CBLB: variants seen among roughly 807,000 people sequenced by gnomAD.
The protein encoded by CBLB is E3 ubiquitin-protein ligase CBL-B.
CBLB carries 31 observed loss-of-function variants against 104.9 expected under a neutral mutation model. The observed-to-expected ratio is 0.30, with a 90% CI of 0.22 to 0.40. CBLB has a LOEUF of 0.40. CBLB is among the 10% of genes least tolerant of loss of function. The probability of loss-of-function intolerance (pLI) is 1.00; values close to 1 mark genes in which losing one functional copy is unlikely to be tolerated. For synonymous variants in CBLB, 440 were observed against 422.6 expected (o/e 1.04, Z -0.51); for missense variants, 1,062 against 1,214.6 (o/e 0.87, Z 1.87).
At chr3:105,788,917 T>C (rs533755272) in intron 3 of CBLB, among the ~76,000 whole-genome samples, 1 of 152,258 alleles carries the variant, frequency 6.6e-6, no homozygotes. Context: ...TCTGAGGAAG[T>C]CCAAGAAATC....
rs545643989 is a variant in CBLB, at chr3:105,786,889, C to T, written c.420-10347G>A. On this transcript the variant is annotated intron_variant, in intron 3 of 18. Transcript: ENST00000394030. Reference sequence around the variant, plus strand: ...TCATGAAAGAAATGGTATAGCTGAACCCAACCAGATGATTCAATTAACTCC... The same window carrying T: ...TCATGAAAGAAATGGTATAGCTGAATCCAACCAGATGATTCAATTAACTCC... Among the ~76,000 whole-genome samples the T allele has an allele frequency of 2.0e-5, 3 of 152,224 alleles. No individual in the cohort carries two copies. In the South Asian group the frequency reaches 6.2e-4, roughly 32 times the overall value.
At chr3:105,804,023 TCTGA>T (rs1298149949) in intron 3 of CBLB, among the ~76,000 whole-genome samples, 1 of 152,168 alleles carries the variant, frequency 6.6e-6, no homozygotes, top group Non-Finnish European at 1.5e-5. Flanking sequence ...CACATGGCAC[TCTGA>T]CTGCACACTT....
intron 3 of CBLB, among the ~76,000 whole-genome samples, chr3:105,852,541 A>G (rs975134768): frequency 2.6e-5 from 4 of 152,232 alleles, no homozygotes; most frequent in African/African-American, 9.6e-5. Context: ...ATGTGACAGT[A>G]GGCTGTTCAT....
chr3:105,786,312 A>G (rs1211317663), intron 3 of CBLB, among the ~76,000 whole-genome samples: 1 of 152,134 alleles, frequency 6.6e-6, no homozygotes, highest in Non-Finnish European at 1.5e-5. Flanking sequence ...TCAGTAAGAA[A>G]CAAAAATGTC....
chr3:105,720,071 C>A lies in CBLB; in HGVS notation c.1383G>T (p.Met461Ile), dbSNP rs1559948424. The A allele has an allele frequency of 6.2e-7, 1 of 1,613,948 alleles. No homozygotes were observed. Among genetic ancestry groups the A allele is most frequent in the Non-Finnish European group, 8.5e-7 (1 of 1,179,894 alleles). The change falls in exon 10 of 19, where the codon ATG becomes ATT. Residue 461 changes from methionine (M) to isoleucine (I), a missense_variant. Around this residue, in one of 2 missense-constraint regions of CBLB, gnomAD observed 457 missense variants for 632.0 expected, o/e 0.72. Transcript: ENST00000394030. ...CCTTTCGGACGTTTGCCAACCGATTCATCATCAAGGACTCCTCACGATCAT... is the reference window on the plus strand; with the variant it reads ...CCTTTCGGACGTTTGCCAACCGATTAATCATCAAGGACTCCTCACGATCAT... The part of the protein sequence containing the change: ...DDDDREESLM[M>I]NRLANVRKCT...
chr3:105,814,892 A>AG (rs1461814119), intron 3 of CBLB, among the ~76,000 whole-genome samples: 1 of 150,350 alleles, frequency 6.7e-6, no homozygotes, highest in Non-Finnish European at 1.5e-5. Context: ...TTATCTCCAG[A>AG]GCCAAATTTT....
chr3:105,819,209 G>A (rs999448960), intron 3 of CBLB, among the ~76,000 whole-genome samples: 4 of 152,092 alleles, frequency 2.6e-5, no homozygotes, highest in African/African-American at 7.2e-5. Context: ...TAATGAGGCC[G>A]GGTGCAGTGG....
At chr3:105,827,773 T>C (rs1222894290) in intron 3 of CBLB, among the ~76,000 whole-genome samples, 1 of 152,228 alleles carries the variant, frequency 6.6e-6, no homozygotes, top group East Asian at 1.9e-4. Flanking sequence ...CAAAATGGTT[T>C]AATACTGAAT....
chr3:105,826,746 A>C (rs1430101264), intron 3 of CBLB, among the ~76,000 whole-genome samples: 1 of 152,214 alleles, frequency 6.6e-6, no homozygotes, highest in Non-Finnish European at 1.5e-5. Flanking sequence ...GCAATGATAC[A>C]CATGATGCAA....
chr3:105,801,883 C>A (rs955208654), intron 3 of CBLB, among the ~76,000 whole-genome samples: 3 of 152,180 alleles, frequency 2.0e-5, no homozygotes, highest in Non-Finnish European at 4.4e-5. Flanking sequence ...TGAGCTGTAA[C>A]CTTGGAAAAA....
At chr3:105,716,615 C>CACA (rs1461810222) in intron 10 of CBLB, among the ~76,000 whole-genome samples, 1 of 152,052 alleles carries the variant, frequency 6.6e-6, no homozygotes, top group African/African-American at 2.4e-5. Flanking sequence ...CTATAAAAGT[C>CACA]ACAATCAGTT....
intron 3 of CBLB, among the ~76,000 whole-genome samples, chr3:105,851,761 T>C (rs557402687): frequency 2.0e-5 from 3 of 152,294 alleles, no homozygotes; most frequent in African/African-American, 4.8e-5. Flanking sequence ...AAGCTATTAA[T>C]GTTAAAAGCA....
intron 9 of CBLB, among the ~76,000 whole-genome samples, chr3:105,730,497 T>C (rs2074198189): frequency 6.6e-6 from 1 of 152,084 alleles, no homozygotes; most frequent in South Asian, 2.1e-4. Context: ...TATAAGTATT[T>C]ACTGCGTAAT....
chr3:105,842,192 T>C lies in CBLB; in HGVS notation c.419+11222A>G, dbSNP rs146298539. Among the ~76,000 whole-genome samples, 575 of 152,294 alleles carry C rather than the reference T, an allele frequency of 3.8e-3. 5 individuals are homozygous for C. Among genetic ancestry groups the C allele is most frequent in the African/African-American group, 0.013 (533 of 41,568 alleles). ...GTCTCCTGCCCTTTATACTGTCCTATAGAAACTGAGGGTTGGTGACCTGGC... is the reference window on the plus strand; with the variant it reads ...GTCTCCTGCCCTTTATACTGTCCTACAGAAACTGAGGGTTGGTGACCTGGC... On this transcript the variant is annotated intron_variant, in intron 3 of 18. Coordinates refer to ENST00000394030, the MANE Select transcript of CBLB (RefSeq NM_170662.5).
intron 10 of CBLB, among the ~76,000 whole-genome samples, chr3:105,710,305 T>C (rs2070877109): frequency 6.6e-6 from 1 of 151,886 alleles, no homozygotes; most frequent in Non-Finnish European, 1.5e-5. Flanking sequence ...TTCATGTTCA[T>C]CTCTCTAATC....
chr3:105,839,041 T>C (rs1036459958), intron 3 of CBLB, among the ~76,000 whole-genome samples: 3 of 152,212 alleles, frequency 2.0e-5, no homozygotes, highest in Non-Finnish European at 4.4e-5. Context: ...TCAATAGTCC[T>C]TGATAAGATT....
intron 10 of CBLB, among the ~76,000 whole-genome samples, chr3:105,710,132 T>C (rs2070847096): frequency 6.6e-6 from 1 of 151,946 alleles, no homozygotes; most frequent in Non-Finnish European, 1.5e-5. Flanking sequence ...CCTCTTTCTA[T>C]CTGTTATAAT....
chr3:105,786,550 T>C lies in CBLB; in HGVS notation c.420-10008A>G, dbSNP rs78481230. Among the ~76,000 whole-genome samples, 952 of 152,256 alleles carry C rather than the reference T, an allele frequency of 6.3e-3. 31 individuals carry two copies. The highest frequency in any genetic ancestry group is 0.052 in the East Asian group (270 of 5,172). On this transcript the variant is annotated intron_variant, in intron 3 of 18. Transcript: ENST00000394030. ...CTAAAAAGTGTTAGTCCTTCCCCCA[T>C]AGTACATTCACAAATGGCACACCAG...
At chr3:105,866,459 T>A (rs998872524) in intron 2 of CBLB, among the ~76,000 whole-genome samples, 1 of 152,222 alleles carries the variant, frequency 6.6e-6, no homozygotes, top group Non-Finnish European at 1.5e-5. Flanking sequence ...TTGCCTCAAC[T>A]AAACTTATAA....
Sources: allele counts gnomAD v4.1 joint callset (sites outside exome capture counted in the v4.1 genomes callset), GRCh38; gene constraint gnomAD v4.1.1; regional missense constraint gnomAD v4.1.1; transcripts MANE v1.5; gene names NCBI Gene and HGNC (gene_info 2026-07-23, HGNC 2026-07-21).